The following PCDHGA8 variants were observed in gnomAD, a reference collection of about 807,000 sequenced individuals.
PCDHGA8 encodes protocadherin gamma subfamily A, 8, also known as protocadherin gamma-A8.
Under a neutral mutation model 59.2 loss-of-function variants are expected in PCDHGA8, and 45 were observed. That is an observed-to-expected ratio of 0.76 (90% CI 0.60 to 0.98). PCDHGA8 has a LOEUF of 0.98. Ranked by LOEUF, PCDHGA8 falls within the 50% of genes least tolerant of loss-of-function variation. PCDHGA8 has a pLI of 0.00. For missense variants in PCDHGA8, 1,257 were observed against 1,196.2 expected, an observed-to-expected ratio of 1.05 and a Z score of -0.75; for synonymous variants, 531 against 519.0, an observed-to-expected ratio of 1.02 and a Z score of -0.32.
chr5:141,435,444 A>G (rs1471113812), intron 1 of PCDHGA8, among the ~76,000 whole-genome samples: 1 of 152,216 alleles, frequency 6.6e-6, no homozygotes, highest in East Asian at 1.9e-4. Flanking sequence ...TTTCATTAAT[A>G]CGATATCTGT....
At chr5:141,416,846 A>G (rs1412860680) in intron 1 of PCDHGA8, 2 of 152,120 alleles carry the variant, frequency 1.3e-5, no homozygotes, top group Non-Finnish European at 2.9e-5. Flanking sequence ...TTATAATTCC[A>G]TGATTTTTTT....
chr5:141,467,376 A>G (rs1391386659), intron 1 of PCDHGA8, among the ~76,000 whole-genome samples: 2 of 151,990 alleles, frequency 1.3e-5, no homozygotes. Flanking sequence ...CTTATATTGC[A>G]TTTAGGTTTT....
At chr5:141,408,329 A>C (rs2095085203) in intron 1 of PCDHGA8, 1 of 1,613,580 alleles carries the variant, frequency 6.2e-7, no homozygotes, top group Non-Finnish European at 8.5e-7. Context: ...GGAGCTGGCC[A>C]AGGGCTCGGT....
chr5:141,425,241 AG>A (rs2096863585), intron 1 of PCDHGA8, among the ~76,000 whole-genome samples: 1 of 152,220 alleles, frequency 6.6e-6, no homozygotes, highest in Admixed American at 6.5e-5. Flanking sequence ...TTAAATAAAA[AG>A]GATATGAGGT....
intron 1 of PCDHGA8, chr5:141,430,690 G>A: frequency 1.4e-6 from 2 of 1,410,426 alleles, no homozygotes; most frequent in Non-Finnish European, 1.9e-6. Flanking sequence ...CCCATTCTAT[G>A]GGCGAAGGAA....
intron 1 of PCDHGA8, chr5:141,399,759 G>A: frequency 1.2e-6 from 2 of 1,613,348 alleles, no homozygotes; most frequent in Non-Finnish European, 1.7e-6. Flanking sequence ...ACGTGAGCCT[G>A]CGCGTGTTGG....
intron 1 of PCDHGA8, chr5:141,421,816 C>T (rs981400135): frequency 1.2e-5 from 19 of 1,613,696 alleles, no homozygotes; most frequent in Non-Finnish European, 1.4e-5. Context: ...AGAGCTAGTA[C>T]TGGAGGGAAG....
At chr5:141,466,655 AT>A (rs754296083) in intron 1 of PCDHGA8, among the ~76,000 whole-genome samples, 3 of 152,206 alleles carry the variant, frequency 2.0e-5, no homozygotes, top group Non-Finnish European at 4.4e-5. Context: ...TTCACAAAAC[AT>A]CAGTGATTTC....
intron 1 of PCDHGA8, among the ~76,000 whole-genome samples, chr5:141,448,422 T>C (rs1561930551): frequency 3.9e-5 from 6 of 152,150 alleles, no homozygotes; most frequent in Admixed American, 3.3e-4. Flanking sequence ...CAATATACTA[T>C]GTATATATTG....
At chr5:141,422,420 C>A in intron 1 of PCDHGA8, 2 of 1,607,576 alleles carry the variant, frequency 1.2e-6, no homozygotes, top group Non-Finnish European at 1.7e-6. Context: ...TTAGAAAAGA[C>A]TTATGGAAAT....
chr5:141,432,808 C>T lies in PCDHGA8; in HGVS notation c.2424+37571C>T, dbSNP rs1473886709. ...TCGGCAGCCTCGAGTCTCCAGCTAA[C>T]TCTGAAACCTCAGACCTCACTCTGT... On this transcript the variant is annotated intron_variant, in intron 1 of 3. Transcript: ENST00000398604. This position sits in a 1 kb window ranked among gnomAD's most constrained non-coding sequence, Gnocchi z 6.0. 6.2e-7 allele frequency: 1 copy of T among 1,613,486 alleles called. No homozygotes were observed. Among genetic ancestry groups the T allele is most frequent in the African/African-American group, 1.3e-5 (1 of 74,426 alleles).
chr5:141,418,504 A>T (rs761133198), intron 1 of PCDHGA8: 32 of 1,613,904 alleles, frequency 2.0e-5, no homozygotes, highest in Non-Finnish European at 2.7e-5. Context: ...TGACCGCCTT[A>T]GATGGTGGGG....
intron 2 of PCDHGA8, among the ~76,000 whole-genome samples, chr5:141,500,768 A>C (rs2099802446): frequency 6.6e-6 from 1 of 152,180 alleles, no homozygotes; most frequent in African/African-American, 2.4e-5. Flanking sequence ...AACTCCTCTT[A>C]TGAATATACA....
chr5:141,398,831 C>G (rs1488126013), intron 1 of PCDHGA8: 13 of 1,614,014 alleles, frequency 8.1e-6, no homozygotes, highest in Non-Finnish European at 1.1e-5. Context: ...GTAACCGACG[C>G]CAATGATAAT....
At position 141,485,073 on chromosome 5, in the gene PCDHGA8, C is replaced by T. The variant is rs1167407526; in HGVS notation, c.2425-9734C>T. ...CGGCCGAACCGCGCCAGAGCTGGCG[C>T]GGGGAAAGGGAGATAGGTGTCTCCA... On this transcript the variant is annotated intron_variant, in intron 1 of 3. Transcript: ENST00000398604. The surrounding 1 kb of genome is among the most constrained non-coding windows in gnomAD (Gnocchi z 5.7). 3.3e-6 allele frequency: 3 copies of T among 922,354 alleles called. No homozygotes were observed. The highest frequency in any genetic ancestry group is 4.8e-5 in the East Asian group (2 of 41,404). 57.1% of individuals were successfully genotyped at this position (922,354 alleles called of 1,614,324 possible).
At chr5:141,467,939 A>G (rs2099154812) in intron 1 of PCDHGA8, among the ~76,000 whole-genome samples, 2 of 152,190 alleles carry the variant, frequency 1.3e-5, no homozygotes, top group Admixed American at 6.5e-5. Context: ...GATTACAAGC[A>G]TGAGCCACCA....
intron 1 of PCDHGA8, among the ~76,000 whole-genome samples, chr5:141,400,828 A>G (rs2094080616): frequency 6.6e-6 from 1 of 152,184 alleles, no homozygotes. Context: ...TCGTTGTCTC[A>G]TTCTTTAACA....
Position 141,394,156 on chromosome 5 carries a change from AC to A in PCDHGA8, c.1346del (p.Pro449LeufsTer14), listed in dbSNP as rs2092929687. 6.2e-7 allele frequency: 1 copy of A among 1,613,556 alleles called. No individual in the cohort carries two copies. Among genetic ancestry groups the A allele is most frequent in the Admixed American group, 1.7e-5 (1 of 59,960 alleles). On this transcript the variant is annotated frameshift_variant, in exon 1 of 4. Coordinates refer to ENST00000398604, the MANE Select transcript of PCDHGA8 (RefSeq NM_032088.2). LOFTEE classifies it high-confidence loss of function. The stretch of plus-strand genomic sequence containing the variant: ...CTGCACGTGGCAGACATTAACGACA[AC>A]CCTCCTACTTTCCCTCATGCCTCCT... The part of the protein sequence containing the change: ...IALHVADIND[N>X]PPTFPHASYS...
At chr5:141,421,523 C>G in intron 1 of PCDHGA8, 1 of 1,614,034 alleles carries the variant, frequency 6.2e-7, no homozygotes, top group Non-Finnish European at 8.5e-7. Context: ...CTCTGTGAGA[C>G]GGTGTCCTCC....
Sources: allele counts gnomAD v4.1 joint callset (sites outside exome capture counted in the v4.1 genomes callset), GRCh38; gene constraint gnomAD v4.1.1; non-coding constraint Gnocchi (gnomAD v3.1); transcripts MANE v1.5; gene names NCBI Gene and HGNC (gene_info 2026-07-23, HGNC 2026-07-21).